DCC: variants seen among roughly 807,000 people sequenced by gnomAD.
The protein encoded by DCC is DCC netrin 1 receptor.
Under a neutral mutation model 172.5 loss-of-function variants are expected in DCC, and 58 were observed. That is an observed-to-expected ratio of 0.34 (90% confidence interval 0.27 to 0.42). The LOEUF (loss-of-function observed/expected upper bound fraction) is 0.42, where lower values mean the gene tolerates loss of function less well. Among genes scored for constraint, DCC ranks in the 10% least tolerant of loss-of-function variants. DCC has a pLI of 1.00. For synonymous variants in DCC, 709 were observed against 644.5 expected (o/e 1.10, Z -1.52); for missense variants, 1,740 against 1,791.0 (o/e 0.97, Z 0.51).
chr18:53,119,097 T>C (rs1236527034), intron 7 of DCC, among the ~76,000 whole-genome samples: 1 of 151,774 alleles, frequency 6.6e-6, no homozygotes, highest in African/African-American at 2.4e-5. Flanking sequence ...GGTACTGTGG[T>C]ACATTTATGC....
At chr18:52,842,002 G>T (rs1212238126) in intron 2 of DCC, among the ~76,000 whole-genome samples, 1 of 26,976 alleles carries the variant, frequency 3.7e-5, no homozygotes, top group Admixed American at 7.3e-4. Context: ...GACAATTTTT[G>T]CGCATATATA....
rs1568038514 is a variant in DCC, at chr18:52,681,440, T to A, written c.92-70614T>A. The stretch of plus-strand genomic sequence containing the variant: ...ATTTAAGAATACTCATTAATTTGAT[T>A]GACAAGAGTGAAATTTCTTATTCTA... On this transcript the variant is annotated intron_variant, in intron 1 of 28. Transcript: ENST00000442544. Among the ~76,000 whole-genome samples, 3 of 152,234 alleles carry A rather than the reference T, an allele frequency of 2.0e-5. No homozygotes were observed. In the South Asian group the frequency reaches 6.2e-4, roughly 32 times the overall value.
chr18:52,512,078 T>C (rs2031461342), intron 1 of DCC, among the ~76,000 whole-genome samples: 1 of 152,186 alleles, frequency 6.6e-6, no homozygotes, highest in Non-Finnish European at 1.5e-5. Flanking sequence ...GTTATTATTC[T>C]TACTTTACCT....
At chr18:53,336,500 G>T (rs1010291841) in intron 14 of DCC, among the ~76,000 whole-genome samples, 1 of 152,070 alleles carries the variant, frequency 6.6e-6, no homozygotes, top group East Asian at 1.9e-4. Context: ...AATGGCTTAG[G>T]TCTAATACTA....
intron 1 of DCC, among the ~76,000 whole-genome samples, chr18:52,737,446 AAT>A (rs2036747202): frequency 6.6e-6 from 1 of 152,186 alleles, no homozygotes; most frequent in African/African-American, 2.4e-5. Flanking sequence ...CTTCATCTTA[AAT>A]ATGTTTTTCA....
At chr18:52,354,393 G>A (rs753256473) in intron 1 of DCC, among the ~76,000 whole-genome samples, 12 of 152,162 alleles carry the variant, frequency 7.9e-5, no homozygotes, top group East Asian at 3.9e-4. Flanking sequence ...TGTTCTAATC[G>A]TCCAGAAAAG....
At chr18:53,014,578 T>C (rs2041781137) in intron 5 of DCC, among the ~76,000 whole-genome samples, 1 of 151,728 alleles carries the variant, frequency 6.6e-6, no homozygotes, top group Admixed American at 6.6e-5. Context: ...CTGAGAATGA[T>C]GGGGGATAAT....
chr18:53,415,587 A>G (rs540874415), intron 20 of DCC, among the ~76,000 whole-genome samples: 57 of 152,302 alleles, frequency 3.7e-4, no homozygotes, highest in Non-Finnish European at 6.5e-4. Context: ...TATTACTTGT[A>G]AGTCCTCTGA....
intron 12 of DCC, among the ~76,000 whole-genome samples, chr18:53,304,156 G>C (rs1222137989): frequency 6.6e-6 from 1 of 152,006 alleles, no homozygotes; most frequent in Non-Finnish European, 1.5e-5. Flanking sequence ...GGTTAATATG[G>C]GTACAGGATA....
intron 15 of DCC, among the ~76,000 whole-genome samples, chr18:53,353,732 A>G (rs956403773): frequency 1.3e-5 from 2 of 152,086 alleles, no homozygotes; most frequent in Non-Finnish European, 2.9e-5. Context: ...TATTTCATAT[A>G]TTACCTTGTT....
chr18:52,783,977 T>C (rs186554880), intron 2 of DCC, among the ~76,000 whole-genome samples: 6 of 152,068 alleles, frequency 3.9e-5, no homozygotes, highest in Non-Finnish European at 5.9e-5. Flanking sequence ...TTTAATGTAG[T>C]CTCATGCATT....
intron 2 of DCC, among the ~76,000 whole-genome samples, chr18:52,808,079 A>T (rs957281706): frequency 2.6e-5 from 4 of 152,194 alleles, no homozygotes; most frequent in Non-Finnish European, 5.9e-5. Context: ...TTCATTTTGC[A>T]GTTATTCCCT....
At chr18:53,190,360 A>C (rs573505379) in intron 9 of DCC, among the ~76,000 whole-genome samples, 1 of 151,908 alleles carries the variant, frequency 6.6e-6, no homozygotes, top group Non-Finnish European at 1.5e-5. Context: ...GCCCAACCCA[A>C]CTCCTACATT....
intron 5 of DCC, among the ~76,000 whole-genome samples, chr18:52,943,863 C>A (rs868173063): frequency 5.6e-4 from 85 of 152,280 alleles, no homozygotes; most frequent in African/African-American, 2.0e-3. Context: ...GATTCTCCTG[C>A]CTCAGCCTCC....
intron 1 of DCC, among the ~76,000 whole-genome samples, chr18:52,572,905 C>T (rs887594350): frequency 3.3e-5 from 5 of 152,172 alleles, no homozygotes; most frequent in African/African-American, 1.2e-4. Context: ...TGTACATTGC[C>T]TGGCTTTTCA....
chr18:52,808,307 T>C (rs963501289), intron 2 of DCC, among the ~76,000 whole-genome samples: 6 of 152,166 alleles, frequency 3.9e-5, no homozygotes. Context: ...TGCCAAATGA[T>C]GTGATTTGAC....
At chr18:53,140,613 A>G (rs554376186) in intron 7 of DCC, among the ~76,000 whole-genome samples, 2 of 152,292 alleles carry the variant, frequency 1.3e-5, no homozygotes, top group Non-Finnish European at 2.9e-5. Flanking sequence ...AGGTCATTCA[A>G]TTTCTCTCAC....
At chr18:53,505,497 G>A (rs971725407) in intron 27 of DCC, among the ~76,000 whole-genome samples, 1 of 151,892 alleles carries the variant, frequency 6.6e-6, no homozygotes, top group African/African-American at 2.4e-5. Context: ...GGGAGGGAGT[G>A]AATGACTGCA....
chr18:52,446,511 C>A (rs987153286), intron 1 of DCC, among the ~76,000 whole-genome samples: 1 of 152,040 alleles, frequency 6.6e-6, no homozygotes, highest in Non-Finnish European at 1.5e-5. Context: ...GGGTTTTTGA[C>A]CCTTCTATAT....
Sources: gnomAD v4.1 joint callset for allele counts (sites outside exome capture counted in the v4.1 genomes callset) on GRCh38, gnomAD v4.1.1 for gene constraint, MANE v1.5 for transcripts, NCBI Gene and HGNC (gene_info 2026-07-23, HGNC 2026-07-21) for gene names.